Variants in ZNF524 observed in about 807,000 individuals in gnomAD.
ZNF524 encodes the protein zinc finger protein 524.
For missense variants in ZNF524, 388 were observed against 380.1 expected, an observed-to-expected ratio of 1.02 and a Z score of -0.17; for synonymous variants, 194 against 166.3, an observed-to-expected ratio of 1.17 and a Z score of -1.28.
chr19:55,601,483 A>G (rs1051183084), intron 1 of ZNF524: 2 of 152,264 alleles, frequency 1.3e-5, no homozygotes, highest in African/African-American at 4.8e-5. Flanking sequence ...AGAAGCGAAC[A>G]CCTTGCCCAA....
Position 55,602,909 on chromosome 19 carries a change from C to G in ZNF524, c.*2C>G, listed in dbSNP as rs1458103177. On this transcript the variant is annotated 3_prime_UTR_variant, in exon 2 of 2. Coordinates refer to ENST00000301073, the MANE Select transcript of ZNF524 (RefSeq NM_153219.4). ...GAGGGGAAAGGGGAGCCGGCCTGAC[C>G]CACACCCCCGGCCATCGCTCCCTGG... The G allele has an allele frequency of 6.4e-7, 1 of 1,554,000 alleles. No homozygotes were observed. The highest frequency in any genetic ancestry group is 1.4e-5 in the African/African-American group (1 of 74,050).
rs1265714888 is a variant in ZNF524, at chr19:55,600,329, A to C, written c.-118A>C. On this transcript the variant is annotated 5_prime_UTR_variant, in exon 1 of 2. Coordinates refer to ENST00000301073, the MANE Select transcript of ZNF524 (RefSeq NM_153219.4). ...CGCCGCCGAGGGGCAGGGCCCCCTC[A>C]CCCCCTCCCCTTCCCACGCGCCGGC... 1 of 146,674 alleles carries C rather than the reference A, an allele frequency of 6.8e-6. No homozygotes were observed. 9.1% of individuals were successfully genotyped at this position (146,674 alleles called of 1,614,324 possible). A position where few individuals can be genotyped will look rare whatever the true frequency, so the allele number is the denominator to read the frequency against.
chr19:55,601,920 T>C (rs1484427713), intron 1 of ZNF524, 155 bp from the exon 2 acceptor site: 1 of 464,412 alleles, frequency 2.2e-6, no homozygotes, highest in Non-Finnish European at 3.7e-6. Context: ...ATCATCTCAC[T>C]GTTTTACCCA....
In ZNF524 at chr19:55,602,803, GC is replaced by G; in HGVS notation, c.692del (p.Ala231AspfsTer?). The G allele has an allele frequency of 6.2e-7, 1 of 1,611,188 alleles. No homozygotes were observed. Among genetic ancestry groups the G allele is most frequent in the South Asian group, 1.1e-5 (1 of 90,978 alleles). The stretch of plus-strand genomic sequence containing the variant: ...GGAGGCCATGGGGGTACCCCTGTGT[GC>G]ACCAGATCCAGGGTCTGAACCGCCG... Reference protein sequence around the residue: ...HPEAMGVPLCAPDPGSEPPWD... With the variant: ...HPEAMGVPLCXPDPGSEPPWD... On this transcript the variant is annotated frameshift_variant, in exon 2 of 2. Coordinates refer to ENST00000301073, the MANE Select transcript of ZNF524 (RefSeq NM_153219.4). LOFTEE classifies it low-confidence loss of function (END_TRUNC).
In ZNF524 at chr19:55,602,159, A is replaced by T; in HGVS notation, c.47A>T (p.Glu16Val). 1.3e-6 allele frequency: 2 copies of T among 1,580,716 alleles called. No homozygotes were observed. The highest frequency in any genetic ancestry group is 1.7e-6 in the Non-Finnish European group (2 of 1,162,782). ...PDPLPSPLPG[E>V]EEKPLALSPP... ...CCGTTGCCTTCGCCTTTGCCCGGGG[A>T]GGAAGAGAAACCTCTGGCCTTATCT... Residue 16 changes from glutamate to valine, a missense_variant, in exon 2 of 2, where the codon GAG (glutamate) becomes GTG (valine). Glu to Val is a moderately radical substitution (Grantham distance 121). Transcript: ENST00000301073.
At chr19:55,601,110 A>C (rs1264294373) in intron 1 of ZNF524, 1 of 152,234 alleles carries the variant, frequency 6.6e-6, no homozygotes, top group Non-Finnish European at 1.5e-5. Context: ...GGCAGAGCTG[A>C]ATTCAAACCC....
rs771919053 is a variant in ZNF524, at chr19:55,602,223, G to C, written c.111G>C (p.Gly37=). The C allele has an allele frequency of 1.2e-5, 20 of 1,612,514 alleles. No homozygotes were observed. The highest frequency in any genetic ancestry group is 1.6e-5 in the Non-Finnish European group (19 of 1,179,606). Reference sequence around the variant, plus strand: ...GGGGCCGCCGAGGCCGTCGTCCTGGGGGAGCCACCTCCTCAAATCGGACAC... The same window carrying C: ...GGGGCCGCCGAGGCCGTCGTCCTGGCGGAGCCACCTCCTCAAATCGGACAC... ...VPRGRRGRRP[G]GATSSNRTLK... Residue 37 remains glycine, a synonymous_variant, in exon 2 of 2, where the codon GGG becomes GGC. Transcript: ENST00000301073.
Position 55,602,080 on chromosome 19 carries a change from T to C in ZNF524, c.-33T>C, listed in dbSNP as rs759925496. Reference sequence around the variant, plus strand: ...CTGCCCCTCTCTCCTCTTAGCTGGCTCCAGTGCCCAGACCCAAGCCCCCCA... The same window carrying C: ...CTGCCCCTCTCTCCTCTTAGCTGGCCCCAGTGCCCAGACCCAAGCCCCCCA... On this transcript the variant is annotated 5_prime_UTR_variant, in exon 2 of 2. Transcript: ENST00000301073. The C allele has an allele frequency of 3.3e-6, 5 of 1,511,110 alleles. No homozygotes were observed. In the Admixed American group the frequency reaches 1.1e-4, roughly 34 times the overall value. 93.6% of individuals were successfully genotyped at this position (1,511,110 alleles called of 1,614,324 possible). A position where few individuals can be genotyped will look rare whatever the true frequency, so the allele number is the denominator to read the frequency against.
chr19:55,602,337 A>G lies in ZNF524; in HGVS notation c.225A>G (p.Pro75=). The G allele has an allele frequency of 6.3e-7, 1 of 1,577,386 alleles. No individual in the cohort carries two copies. Among genetic ancestry groups the G allele is most frequent in the Non-Finnish European group, 8.6e-7 (1 of 1,161,830 alleles). ...PLVQVQGVTA[P]VGSSGGSDLL... ...TGCAGGTGCAGGGGGTGACAGCCCC[A>G]GTAGGCAGCAGTGGCGGGAGCGACC... Residue 75 remains proline, a synonymous_variant, in exon 2 of 2, where the codon CCA becomes CCG. Coordinates refer to ENST00000301073, the MANE Select transcript of ZNF524 (RefSeq NM_153219.4).
rs1036024612 is a variant in ZNF524, at chr19:55,601,738, G to C, written c.-38-337G>C. ...CTCCGTTTCAAGGATCACAATACTG[G>C]TCTGCACTCTCAGTTGGACTCTATC... On this transcript the variant is annotated intron_variant, in intron 1 of 1. Coordinates refer to ENST00000301073, the MANE Select transcript of ZNF524 (RefSeq NM_153219.4). 17 of 165,210 alleles carry C rather than the reference G, an allele frequency of 1.0e-4. No individual in the cohort carries two copies. In the South Asian group the frequency reaches 2.8e-3, roughly 27 times the overall value. 10.2% of individuals were successfully genotyped at this position (165,210 alleles called of 1,614,324 possible). A position where few individuals can be genotyped will look rare whatever the true frequency, so the allele number is the denominator to read the frequency against.
Position 55,603,077 on chromosome 19 carries a change from C to A in ZNF524, c.*170C>A, listed in dbSNP as rs750574313. On this transcript the variant is annotated 3_prime_UTR_variant, in exon 2 of 2. Transcript: ENST00000301073. ...TGGGGTCCAGCTGCCTTCAGCCCCC[C>A]TCCCCCAGACTAACAGACCCTTGGA... is the stretch of plus-strand genomic sequence containing the variant. The A allele has an allele frequency of 6.6e-4, 480 of 730,842 alleles. 1 individual carries two copies. The highest frequency in any genetic ancestry group is 9.8e-4 in the Non-Finnish European group (436 of 446,830). The allele number at this position is 730,842 out of a possible 1,614,324, so 45.3% of individuals were successfully genotyped here. A position where few individuals can be genotyped will look rare whatever the true frequency, so the allele number is the denominator to read the frequency against.
chr19:55,600,443 G>A (rs1281636641), intron 1 of ZNF524, 35 bp downstream of exon 1: 1 of 149,674 alleles, frequency 6.7e-6, no homozygotes, highest in Non-Finnish European at 1.5e-5. Flanking sequence ...GCGGGAGGGG[G>A]GGTGTGGGGG....
At position 55,602,192 on chromosome 19, in the gene ZNF524, T is replaced by C; in HGVS notation, c.80T>C (p.Val27Ala). 6.2e-7 allele frequency: 1 copy of C among 1,611,254 alleles called. No homozygotes were observed. Among genetic ancestry groups the C allele is most frequent in the African/African-American group, 1.3e-5 (1 of 75,028 alleles). Residue 27 changes from valine to alanine, a missense_variant, in exon 2 of 2, where the codon GTT (valine) becomes GCT (alanine). Coordinates refer to ENST00000301073, the MANE Select transcript of ZNF524 (RefSeq NM_153219.4). ...AAACCTCTGGCCTTATCTCCTCCTG[T>C]TCCCCGGGGCCGCCGAGGCCGTCGT... Reference protein sequence around the residue: ...EEKPLALSPPVPRGRRGRRPG... With the variant: ...EEKPLALSPPAPRGRRGRRPG...
Position 55,602,942 on chromosome 19 carries a change from T to G in ZNF524, c.*35T>G. 2 of 1,504,280 alleles carry G rather than the reference T, an allele frequency of 1.3e-6. No individual in the cohort carries two copies. Among genetic ancestry groups the G allele is most frequent in the Non-Finnish European group, 8.9e-7 (1 of 1,122,022 alleles). The allele number at this position is 1,504,280 out of a possible 1,614,324, so 93.2% of individuals were successfully genotyped here. A position where few individuals can be genotyped will look rare whatever the true frequency, so the allele number is the denominator to read the frequency against. ...CCGGCCATCGCTCCCTGGGCCAGGT[T>G]TAGAGCAGGGAGTTTGGCTGGTGCT... On this transcript the variant is annotated 3_prime_UTR_variant, in exon 2 of 2. Transcript: ENST00000301073.
upstream of ZNF524, chr19:55,600,051 G>C (rs1278133250): frequency 6.6e-6 from 1 of 152,344 alleles, no homozygotes; most frequent in Non-Finnish European, 1.5e-5. Flanking sequence ...TCACCCGACT[G>C]TGGGCTTTGT....
rs1293388089 is a variant in ZNF524 at position 55,600,384 on chromosome 19, C to G, written c.-63C>G. On this transcript the variant is annotated 5_prime_UTR_variant, in exon 1 of 2. Transcript: ENST00000301073. ...TTGCCCCCGCGCGCGCGCACACTCG[C>G]GAGCCCCGGCGACATGCAAATGAGG... 1 of 149,150 alleles carries G rather than the reference C, an allele frequency of 6.7e-6. No homozygotes were observed. The highest frequency in any genetic ancestry group is 1.5e-5 in the Non-Finnish European group (1 of 66,972). The allele number at this position is 149,150 out of a possible 1,614,324, so 9.2% of individuals were successfully genotyped here.
Position 55,602,914 on chromosome 19 carries a change from C to A in ZNF524, c.*7C>A, listed in dbSNP as rs1980777266. 2 of 1,545,050 alleles carry A rather than the reference C, an allele frequency of 1.3e-6. No individual in the cohort carries two copies. The highest frequency in any genetic ancestry group is 1.9e-4 in the Middle Eastern group (1 of 5,308). On this transcript the variant is annotated 3_prime_UTR_variant, in exon 2 of 2. Coordinates refer to ENST00000301073, the MANE Select transcript of ZNF524 (RefSeq NM_153219.4). ...GAAAGGGGAGCCGGCCTGACCCACA[C>A]CCCCGGCCATCGCTCCCTGGGCCAG... is the stretch of plus-strand genomic sequence containing the variant.
intron 1 of ZNF524, 141 bp from the exon 2 acceptor site, chr19:55,601,934 G>A (rs1980700831): frequency 5.8e-6 from 3 of 512,862 alleles, no homozygotes; most frequent in East Asian, 3.2e-5. Context: ...TTACCCACCA[G>A]CATAGCTAAA....
chr19:55,601,544 C>T (rs1332519105), intron 1 of ZNF524: 1 of 152,256 alleles, frequency 6.6e-6, no homozygotes, highest in African/African-American at 2.4e-5. Context: ...ACTCCAGGGC[C>T]CAGGCTCTTA....
Sources: allele counts gnomAD v4.1 joint callset, GRCh38; gene constraint gnomAD v4.1.1; transcripts MANE v1.5; gene names NCBI Gene and HGNC (gene_info 2026-07-23, HGNC 2026-07-21).